The following FGD2 variants were observed in gnomAD, a reference collection of about 807,000 sequenced individuals.
The protein encoded by FGD2 is FYVE, RhoGEF and PH domain containing 2, also known as FYVE, RhoGEF and PH domain-containing protein 2.
Under a neutral mutation model 75.9 loss-of-function variants are expected in FGD2, and 52 were observed. The ratio of observed to expected loss-of-function variants is 0.69; its 90% CI spans 0.55 to 0.86. FGD2 has a LOEUF of 0.86. FGD2 is among the 40% of genes least tolerant of loss of function. FGD2 has a pLI of 0.00. For missense variants in FGD2, 790 were observed against 872.0 expected (o/e 0.91, Z 1.18); for synonymous variants, 347 against 348.6 (o/e 1.00, Z 0.05).
intron 13 of FGD2, chr6:37,022,673 C>T (rs1179635584): frequency 3.7e-5 from 12 of 325,302 alleles, no homozygotes; most frequent in Non-Finnish European, 6.8e-5. Flanking sequence ...CCTCCACCTG[C>T]CCCACCTTGG....
At chr6:37,026,063 C>G (rs563890502) in intron 14 of FGD2, 125 bp downstream of exon 14, 17 of 1,473,252 alleles carry the variant, frequency 1.2e-5, no homozygotes, top group South Asian at 5.4e-5. Context: ...ACCCTCCCCC[C>G]TCTCCCTCTT....
chr6:37,021,456 A>C, intron 11 of FGD2, 56 bp from the exon 12 acceptor site: 1 of 1,468,702 alleles, frequency 6.8e-7, no homozygotes. Context: ...TGGACAGAGG[A>C]GCAATCCCTC....
At position 37,028,206 on chromosome 6, in the gene FGD2, A is replaced by G; in HGVS notation, c.*43A>G. Reference sequence around the variant, plus strand: ...TCCTGCCCACCTCTCCCCACCCTGAACCCAGCTCCTGCCACAGACTGACCC... The same window carrying G: ...TCCTGCCCACCTCTCCCCACCCTGAGCCCAGCTCCTGCCACAGACTGACCC... On this transcript the variant is annotated 3_prime_UTR_variant, in exon 16 of 16. Transcript: ENST00000274963. 6.8e-7 allele frequency: 1 copy of G among 1,472,850 alleles called. No individual in the cohort carries two copies. The highest frequency in any genetic ancestry group is 9.0e-7 in the Non-Finnish European group (1 of 1,107,050). The allele number at this position is 1,472,850 out of a possible 1,614,324, so 91.2% of individuals were successfully genotyped here.
In FGD2 at chr6:37,015,752, C is replaced by G; in HGVS notation, c.1030-16C>G. On this transcript the variant is annotated splice_polypyrimidine_tract_variant and intron_variant, in intron 8 of 15. Coordinates refer to ENST00000274963, the MANE Select transcript of FGD2 (RefSeq NM_173558.4). ...CTGCCCCTGCCACGGGCCACTCACG[C>G]CTGTGTCTCCTGCAGTTCAACAACA... The G allele has an allele frequency of 6.4e-7, 1 of 1,572,164 alleles. No homozygotes were observed. Among genetic ancestry groups the G allele is most frequent in the East Asian group, 2.3e-5 (1 of 43,318 alleles).
At chr6:37,022,540 C>T (rs1352893998) in intron 13 of FGD2, 170 bp downstream of exon 13, 1 of 893,730 alleles carries the variant, frequency 1.1e-6, no homozygotes, top group Non-Finnish European at 1.6e-6. Flanking sequence ...TCCGAGGCCT[C>T]CACCTGTGTC....
In FGD2 at chr6:37,014,085, C is replaced by T. The variant is rs202181515; in HGVS notation, c.808C>T (p.Gln270Ter). The change falls in exon 6 of 16, where the codon CAG becomes TAG. Residue 270 changes from glutamine (Q) to a stop codon, truncating the protein, a stop_gained. Transcript: ENST00000274963. LOFTEE classifies it high-confidence loss of function. ...GAAGCTGCCAGCCCAGGCCCCAGACCAGGCCGATGCCCAGAGTGAGGACAC... is the reference window on the plus strand; with the variant it reads ...GAAGCTGCCAGCCCAGGCCCCAGACTAGGCCGATGCCCAGAGTGAGGACAC... ...IQKLPAQAPDQADAQKALDMI... is the reference protein window; with the variant it reads ...IQKLPAQAPD 1 of 1,613,934 alleles carries T rather than the reference C, an allele frequency of 6.2e-7. No homozygotes were observed. Among genetic ancestry groups the T allele is most frequent in the Admixed American group, 1.7e-5 (1 of 59,990 alleles).
intron 13 of FGD2, 138 bp from the exon 14 acceptor site, chr6:37,025,654 C>G: frequency 4.5e-5 from 38 of 849,326 alleles, no homozygotes; most frequent in Non-Finnish European, 6.5e-5. Context: ...CCCCGCTCTG[C>G]CTCTATTCCT....
intron 2 of FGD2, among the ~76,000 whole-genome samples, chr6:37,010,678 G>A (rs1764961269): frequency 6.6e-6 from 1 of 152,168 alleles, no homozygotes; most frequent in South Asian, 2.1e-4. Flanking sequence ...CTGTCCATGA[G>A]GTCTCCCTAT....
chr6:37,017,102 T>C (rs748947968), intron 9 of FGD2, among the ~76,000 whole-genome samples: 1 of 151,846 alleles, frequency 6.6e-6, no homozygotes, highest in Non-Finnish European at 1.5e-5. Flanking sequence ...TTCTGCACTT[T>C]GCTTTTTTTT....
chr6:37,025,732 A>T, intron 13 of FGD2, 60 bp from the exon 14 acceptor site: 3 of 1,601,746 alleles, frequency 1.9e-6, no homozygotes, highest in Non-Finnish European at 2.6e-6. Flanking sequence ...CCACCAAGGC[A>T]GGAGCCCAGC....
At chr6:37,027,609 C>T (rs373302731) in intron 15 of FGD2, 34 bp downstream of exon 15, 27 of 1,612,016 alleles carry the variant, frequency 1.7e-5, no homozygotes, top group African/African-American at 2.7e-5. Context: ...CCCGTCAGGC[C>T]CTGGCCTTCC....
chr6:37,017,029 A>G (rs1765332728), intron 9 of FGD2, among the ~76,000 whole-genome samples: 1 of 152,000 alleles, frequency 6.6e-6, no homozygotes, highest in Non-Finnish European at 1.5e-5. Flanking sequence ...CTAGCAAACC[A>G]ATAACATATA....
chr6:37,015,710 C>T, intron 8 of FGD2, 58 bp from the exon 9 acceptor site: 1 of 1,504,874 alleles, frequency 6.6e-7, no homozygotes, highest in South Asian at 1.2e-5. Context: ...CGGGGAAACC[C>T]CACCTAGCCA....
At chr6:37,020,432 G>T (rs989318177) in intron 9 of FGD2, 109 bp from the exon 10 acceptor site, 3 of 1,063,002 alleles carry the variant, frequency 2.8e-6, no homozygotes, top group African/African-American at 3.2e-5. Context: ...CCTGTCTCTC[G>T]AATTTGAATT....
intron 4 of FGD2, chr6:37,013,314 A>G (rs1447476977): frequency 2.3e-6 from 1 of 434,646 alleles, no homozygotes; most frequent in Non-Finnish European, 3.6e-6. Context: ...AGCCCTCGTT[A>G]TTGTTACATA....
intron 1 of FGD2, among the ~76,000 whole-genome samples, chr6:37,008,026 C>T (rs1289243844): frequency 3.3e-5 from 5 of 152,196 alleles, no homozygotes; most frequent in South Asian, 2.1e-4. Context: ...CTGCCACTTC[C>T]GAGCCGCATG....
chr6:37,005,886 G>T lies in FGD2; in HGVS notation c.68+1G>T, dbSNP rs764706884. On this transcript the variant is annotated splice_donor_variant, in intron 1 of 15. Coordinates refer to ENST00000274963, the MANE Select transcript of FGD2 (RefSeq NM_173558.4). LOFTEE classifies it high-confidence loss of function. ...TGGTCACTGTGTTTGAGAATAGCAGGTATGGGCAGCTGGGGTGGGAGGGTC... is the reference window on the plus strand; with the variant it reads ...TGGTCACTGTGTTTGAGAATAGCAGTTATGGGCAGCTGGGGTGGGAGGGTC... 1.9e-6 allele frequency: 3 copies of T among 1,613,310 alleles called. No homozygotes were observed. The highest frequency in any genetic ancestry group is 8.5e-7 in the Non-Finnish European group (1 of 1,179,754).
chr6:37,020,888 A>ATGTGTGTGTG lies in FGD2; in HGVS notation c.1233+164_1233+173dup, dbSNP rs58421270. 4,352 of 697,110 alleles carry ATGTGTGTGTG rather than the reference A, an allele frequency of 6.2e-3. 8 individuals are homozygous for ATGTGTGTGTG. The highest frequency in any genetic ancestry group is 0.011 in the African/African-American group (591 of 52,894). The allele number at this position is 697,110 out of a possible 1,614,324, so 43.2% of individuals were successfully genotyped here. ...AGGGGAGGGAGTGGTGTATGTATGC[A>ATGTGTGTGTG]TGTGTGTGTGTGTGTGTGTGTGTGC... On this transcript the variant is annotated intron_variant, in intron 11 of 15. Coordinates refer to ENST00000274963, the MANE Select transcript of FGD2 (RefSeq NM_173558.4).
intron 8 of FGD2, 73 bp from the exon 9 acceptor site, chr6:37,015,695 A>C (rs1344800324): frequency 2.1e-6 from 3 of 1,407,392 alleles, no homozygotes; most frequent in Non-Finnish European, 2.9e-6. Flanking sequence ...TGCTCGGCCC[A>C]CCCTCGGGGA....
Sources: allele counts gnomAD v4.1 joint callset (sites outside exome capture counted in the v4.1 genomes callset), GRCh38; gene constraint gnomAD v4.1.1; transcripts MANE v1.5; gene names NCBI Gene and HGNC (gene_info 2026-07-23, HGNC 2026-07-21).